The following SHFL variants were observed in gnomAD, a reference collection of about 807,000 sequenced individuals.
SHFL encodes shiftless antiviral inhibitor of ribosomal frameshifting protein.
Under a neutral mutation model 34.7 loss-of-function variants are expected in SHFL, and 12 were observed. The ratio of observed to expected loss-of-function variants is 0.35; its 90% CI spans 0.22 to 0.56. The LOEUF (loss-of-function observed/expected upper bound fraction) is 0.56. Among genes scored for constraint, SHFL ranks in the 20% least tolerant of loss-of-function variants. The pLI, the probability that SHFL is intolerant of heterozygous loss-of-function variation, is 0.88. For synonymous variants in SHFL, 148 were observed against 156.0 expected (o/e 0.95, Z 0.38); for missense variants, 278 against 411.1 (o/e 0.68, Z 2.80).
At position 10,091,960 on chromosome 19, in the gene SHFL, T is replaced by C; in HGVS notation, c.644-110T>C. The C allele has an allele frequency of 7.5e-7, 1 of 1,324,652 alleles. No homozygotes were observed. The highest frequency in any genetic ancestry group is 1.0e-6 in the Non-Finnish European group (1 of 954,560). The allele number at this position is 1,324,652 out of a possible 1,614,324, so 82.1% of individuals were successfully genotyped here. A position where few individuals can be genotyped will look rare whatever the true frequency, so the allele number is the denominator to read the frequency against. On this transcript the variant is annotated intron_variant, in intron 7 of 7. Transcript: ENST00000253110. The surrounding 1 kb of genome is among the most constrained non-coding windows in gnomAD (Gnocchi z 8.2). ...GAATGTCCAGTTGTGCTGGTCCCCGTATCTGGTGGTCTCAGCTCCTCCCTA... is the reference window on the plus strand; with the variant it reads ...GAATGTCCAGTTGTGCTGGTCCCCGCATCTGGTGGTCTCAGCTCCTCCCTA...
chr19:10,086,523 C>T lies in SHFL; in HGVS notation c.21+75C>T. On this transcript the variant is annotated intron_variant, in intron 1 of 7. Coordinates refer to ENST00000253110, the MANE Select transcript of SHFL (RefSeq NM_018381.4). This position sits in a 1 kb window ranked among gnomAD's most constrained non-coding sequence, Gnocchi z 5.2. ...GAGCGGCCGGGAGGCGCGGAGGGGG[C>T]TTCGCAGTTCCTGGGGACCCCCATC... 1.6e-6 allele frequency: 2 copies of T among 1,280,996 alleles called. No individual in the cohort carries two copies. The highest frequency in any genetic ancestry group is 2.0e-6 in the Non-Finnish European group (2 of 995,446). The allele number at this position is 1,280,996 out of a possible 1,614,324, so 79.4% of individuals were successfully genotyped here.
intron 5 of SHFL, chr19:10,090,312 A>C: frequency 2.2e-6 from 1 of 464,960 alleles, no homozygotes; most frequent in Non-Finnish European, 3.9e-6. Context: ...CAGAAATCAA[A>C]CCTGGCCAGG....
chr19:10,087,326 GGACCGGGTCACGGGAGGGAGAGCAA>G (rs1259124791), intron 3 of SHFL, 26 bp downstream of exon 3: 2 of 1,613,814 alleles, frequency 1.2e-6, no homozygotes, highest in African/African-American at 2.7e-5. Context: ...CCCTCGCAAA[GGACCGGGTCACGGGAGGGAGAGCAA>G]GAGGGGGGAC....
intron 3 of SHFL, chr19:10,088,999 G>A (rs1452172673): frequency 5.2e-6 from 1 of 193,698 alleles, no homozygotes; most frequent in African/African-American, 2.5e-5. Flanking sequence ...AATATTAGCA[G>A]AGAGTAGCAT....
At position 10,086,937 on chromosome 19, in the gene SHFL, G is replaced by C. The variant is rs776766427; in HGVS notation, c.30G>C (p.Lys10Asn). MSQEGVELE[K>N]SVRRLREKFH... ...CCCTGTCTCCATCCCAGCTGGAGAA[G>C]AGCGTCCGGCGCCTCCGGGAGAAGT... The change falls in exon 2 of 8, where the codon AAG (lysine) becomes AAC (asparagine). Residue 10 changes from lysine to asparagine, a missense_variant. Lys to Asn is a moderately conservative substitution (Grantham distance 94, BLOSUM62 0). Around this residue, in one of 2 missense-constraint regions of SHFL, gnomAD observed 243 missense variants for 386.2 expected, o/e 0.63. Coordinates refer to ENST00000253110, the MANE Select transcript of SHFL (RefSeq NM_018381.4). The surrounding 1 kb of genome is among the most constrained non-coding windows in gnomAD (Gnocchi z 5.2). 6.2e-7 allele frequency: 1 copy of C among 1,613,812 alleles called. No homozygotes were observed. The highest frequency in any genetic ancestry group is 8.5e-7 in the Non-Finnish European group (1 of 1,179,816).
chr19:10,092,521 T>C lies in SHFL; in HGVS notation c.*219T>C. On this transcript the variant is annotated 3_prime_UTR_variant, in exon 8 of 8. Coordinates refer to ENST00000253110, the MANE Select transcript of SHFL (RefSeq NM_018381.4). ...TTGGCACTGAGCCACAAAGAAGGTG[T>C]GGCCAGAACAACTTGGGCTCCTGCT... The C allele has an allele frequency of 6.5e-7, 1 of 1,538,514 alleles. No homozygotes were observed. Among genetic ancestry groups the C allele is most frequent in the Non-Finnish European group, 8.8e-7 (1 of 1,138,312 alleles).
Position 10,086,569 on chromosome 19 carries a change from C to G in SHFL, c.21+121C>G. ...CCATCCTAGAACCCCAGATCCTTAC[C>G]CCTGCCTGGCGCTCGCCCCCCTTGA... On this transcript the variant is annotated intron_variant, in intron 1 of 7. Coordinates refer to ENST00000253110, the MANE Select transcript of SHFL (RefSeq NM_018381.4). The surrounding 1 kb of genome is among the most constrained non-coding windows in gnomAD (Gnocchi z 5.2). The G allele has an allele frequency of 1.0e-6, 1 of 985,100 alleles. No individual in the cohort carries two copies. The highest frequency in any genetic ancestry group is 1.4e-6 in the Non-Finnish European group (1 of 725,738). The allele number at this position is 985,100 out of a possible 1,614,324, so 61.0% of individuals were successfully genotyped here.
At position 10,092,056 on chromosome 19, in the gene SHFL, C is replaced by T. The variant is rs763351692; in HGVS notation, c.644-14C>T. 5 of 1,613,708 alleles carry T rather than the reference C, an allele frequency of 3.1e-6. No individual in the cohort carries two copies. Among genetic ancestry groups the T allele is most frequent in the Admixed American group, 1.7e-5 (1 of 59,930 alleles). On this transcript the variant is annotated splice_polypyrimidine_tract_variant and intron_variant, in intron 7 of 7. Coordinates refer to ENST00000253110, the MANE Select transcript of SHFL (RefSeq NM_018381.4). The stretch of plus-strand genomic sequence containing the variant: ...ACCTCCAGCCCCATGTCTGCAGCAC[C>T]TCTCCCTCCCTAGAGCCCCACGTGC...
intron 3 of SHFL, 142 bp from the exon 4 acceptor site, chr19:10,089,515 T>C: frequency 7.4e-7 from 1 of 1,355,064 alleles, no homozygotes; most frequent in Non-Finnish European, 1.0e-6. Flanking sequence ...CACACCTGGC[T>C]CTCAATAAGT....
In SHFL at chr19:10,090,102, T is replaced by C. The variant is rs538482361; in HGVS notation, c.384+55T>C. 7.4e-5 allele frequency: 114 copies of C among 1,549,788 alleles called. 1 individual carries two copies. The Admixed American group carries it at 9.1e-4, about 12-fold the overall frequency. ...GACTGTCCCGAACTCCACTCCTGAC[T>C]CCTATCCTCAGTGACTGTACCTCTG... On this transcript the variant is annotated intron_variant, in intron 5 of 7. Coordinates refer to ENST00000253110, the MANE Select transcript of SHFL (RefSeq NM_018381.4).
rs1374828405 is a variant in SHFL at position 10,091,515 on chromosome 19, G to A, written c.528G>A (p.Gly176=). The change falls in exon 7 of 8, where the codon GGG becomes GGA. Residue 176 remains glycine, a synonymous_variant. Coordinates refer to ENST00000253110, the MANE Select transcript of SHFL (RefSeq NM_018381.4). The surrounding 1 kb of genome is among the most constrained non-coding windows in gnomAD (Gnocchi z 8.2). ...AQMGSPSPCY[G]CGFPVYPTRI... is the part of the protein sequence containing the mutation. The stretch of plus-strand genomic sequence containing the variant: ...TGGGGTCCCCGTCCCCCTGCTACGG[G>A]TGCGGCTTCCCCGTGTATCCAACAC... 6.5e-7 allele frequency: 1 copy of A among 1,547,854 alleles called. No individual in the cohort carries two copies. Among genetic ancestry groups the A allele is most frequent in the South Asian group, 1.2e-5 (1 of 83,862 alleles).
At chr19:10,089,568 C>T (rs571395797) in intron 3 of SHFL, 89 bp from the exon 4 acceptor site, 1 of 1,512,180 alleles carries the variant, frequency 6.6e-7, no homozygotes, top group Admixed American at 2.0e-5. Flanking sequence ...GGGCACCCTA[C>T]TCATTGCGGC....
In SHFL at chr19:10,086,414, G is replaced by GCGC; in HGVS notation, c.-6_-4dup. ...GCAGTGCGGACCCTCGCGGGGAACT[G>GCGC]CGCCGCCGCCACCATGTCTCAGGAA... On this transcript the variant is annotated 5_prime_UTR_variant, in exon 1 of 8. Coordinates refer to ENST00000253110, the MANE Select transcript of SHFL (RefSeq NM_018381.4). This position sits in a 1 kb window ranked among gnomAD's most constrained non-coding sequence, Gnocchi z 5.2. 2 of 1,342,508 alleles carry GCGC rather than the reference G, an allele frequency of 1.5e-6. No individual in the cohort carries two copies. Among genetic ancestry groups the GCGC allele is most frequent in the Non-Finnish European group, 1.9e-6 (2 of 1,039,726 alleles). 83.2% of individuals were successfully genotyped at this position (1,342,508 alleles called of 1,614,324 possible).
At chr19:10,090,119 G>A in intron 5 of SHFL, 72 bp downstream of exon 5, 1 of 1,489,158 alleles carries the variant, frequency 6.7e-7, no homozygotes, top group Non-Finnish European at 9.1e-7. Flanking sequence ...CTCAGTGACT[G>A]TACCTCTGAC....
chr19:10,089,506 A>C, intron 3 of SHFL, 151 bp from the exon 4 acceptor site: 1 of 1,351,610 alleles, frequency 7.4e-7, no homozygotes, highest in Non-Finnish European at 1.0e-6. Flanking sequence ...CTGAGGCCAC[A>C]CACCTGGCTC....
rs765672017 is a variant in SHFL, at chr19:10,091,272, G to A, written c.407G>A (p.Arg136Gln). The part of the protein sequence containing the change: ...RKEVSRCRKC[R>Q]KRYEPVPADK... ...CAGGTATCCCGGTGCCGGAAATGCCGGAAGCGCTACGAGCCAGTGCCAGCT... is the reference window on the plus strand; with the variant it reads ...CAGGTATCCCGGTGCCGGAAATGCCAGAAGCGCTACGAGCCAGTGCCAGCT... Residue 136 changes from arginine (R) to glutamine (Q), a missense_variant, in exon 6 of 8, where the codon CGG (arginine) becomes CAG (glutamine). Around this residue, in one of 2 missense-constraint regions of SHFL, gnomAD observed 243 missense variants for 386.2 expected, o/e 0.63. Coordinates refer to ENST00000253110, the MANE Select transcript of SHFL (RefSeq NM_018381.4). The surrounding 1 kb of genome is among the most constrained non-coding windows in gnomAD (Gnocchi z 8.2). 8.1e-6 allele frequency: 13 copies of A among 1,613,814 alleles called. No individual in the cohort carries two copies. Among genetic ancestry groups the A allele is most frequent in the Middle Eastern group, 1.7e-4 (1 of 6,054 alleles).
At chr19:10,089,739 G>A (rs748924162) in intron 4 of SHFL, 44 bp downstream of exon 4, 3 of 1,577,344 alleles carry the variant, frequency 1.9e-6, no homozygotes, top group Middle Eastern at 1.7e-4. Flanking sequence ...TTGGGAGGGG[G>A]ACATCTGCAG....
chr19:10,091,711 A>G lies in SHFL; in HGVS notation c.643+81A>G, dbSNP rs2088394022. The G allele has an allele frequency of 1.4e-6, 2 of 1,452,524 alleles. No homozygotes were observed. The highest frequency in any genetic ancestry group is 2.9e-5 in the African/African-American group (2 of 70,010). 90.0% of individuals were successfully genotyped at this position (1,452,524 alleles called of 1,614,324 possible). A position where few individuals can be genotyped will look rare whatever the true frequency, so the allele number is the denominator to read the frequency against. ...AAGTCCCCAAATCTCCACTCAGTCC[A>G]CTTTGTCTCCCACAGCAGCAGCCAC... On this transcript the variant is annotated intron_variant, in intron 7 of 7. Coordinates refer to ENST00000253110, the MANE Select transcript of SHFL (RefSeq NM_018381.4). This position sits in a 1 kb window ranked among gnomAD's most constrained non-coding sequence, Gnocchi z 8.2.
Position 10,086,943 on chromosome 19 carries a change from C to T in SHFL, c.36C>T (p.Val12=). 1.9e-6 allele frequency: 3 copies of T among 1,613,844 alleles called. 1 individual carries two copies. Among genetic ancestry groups the T allele is most frequent in the Admixed American group, 3.3e-5 (2 of 60,016 alleles). Reference sequence around the variant, plus strand: ...CTCCATCCCAGCTGGAGAAGAGCGTCCGGCGCCTCCGGGAGAAGTTTCATG... The same window carrying T: ...CTCCATCCCAGCTGGAGAAGAGCGTTCGGCGCCTCCGGGAGAAGTTTCATG... ...SQEGVELEKS[V]RRLREKFHGK... Residue 12 remains valine (V), a synonymous_variant, in exon 2 of 8, where the codon GTC becomes GTT. Transcript: ENST00000253110. This position sits in a 1 kb window ranked among gnomAD's most constrained non-coding sequence, Gnocchi z 5.2.
Sources: gnomAD v4.1 joint callset for allele counts on GRCh38, gnomAD v4.1.1 for gene constraint, gnomAD v4.1.1 regional missense constraint, Gnocchi (gnomAD v3.1) non-coding constraint, MANE v1.5 for transcripts, NCBI Gene and HGNC (gene_info 2026-07-23, HGNC 2026-07-21) for gene names.